Variants in ATRIP observed in about 807,000 individuals in gnomAD.
The protein encoded by ATRIP is ATR interacting protein, also known as ATR-interacting protein.
In ATRIP, 44 loss-of-function variants were observed where a neutral mutation model predicts 78.1. That is an observed-to-expected ratio of 0.56 (90% CI 0.44 to 0.72). The LOEUF is 0.72. ATRIP is among the 30% of genes least tolerant of loss of function. ATRIP has a pLI of 0.00. For synonymous variants in ATRIP, 388 were observed against 408.9 expected (o/e 0.95, Z 0.62); for missense variants, 927 against 980.2 (o/e 0.95, Z 0.72).
rs574139084 is a variant in ATRIP at position 48,466,433 on chromosome 3, C to G, written c.*879C>G. ...GAAGAGGGAGACCCTCTCAGACAGTCGAATGTGCTGGTCCCACTAAGGAAA... is the reference window on the plus strand; with the variant it reads ...GAAGAGGGAGACCCTCTCAGACAGTGGAATGTGCTGGTCCCACTAAGGAAA... On this transcript the variant is annotated 3_prime_UTR_variant, in exon 13 of 13. Transcript: ENST00000320211. 61 of 1,611,300 alleles carry G rather than the reference C, an allele frequency of 3.8e-5. No individual in the cohort carries two copies. In the Admixed American group the frequency reaches 5.7e-4, roughly 15 times the overall value.
chr3:48,450,744 G>A (rs1232101214), intron 2 of ATRIP, among the ~76,000 whole-genome samples: 2 of 151,880 alleles, frequency 1.3e-5, no homozygotes, highest in African/African-American at 2.4e-5. Context: ...GCACCACGAC[G>A]CCCAGCTAAT....
At position 48,459,844 on chromosome 3, in the gene ATRIP, GCC is replaced by G; in HGVS notation, c.984_985del (p.Cys330ProfsTer5). 6.2e-7 allele frequency: 1 copy of G among 1,613,998 alleles called. No individual in the cohort carries two copies. The highest frequency in any genetic ancestry group is 8.5e-7 in the Non-Finnish European group (1 of 1,179,950). On this transcript the variant is annotated frameshift_variant, in exon 7 of 13. Transcript: ENST00000320211. LOFTEE classifies it high-confidence loss of function. ...CCTTTGATCCCAGGGTCATCCCTAAGCCTTTGCCACCTCCTGAGTAGTAGTTC... is the reference window on the plus strand; with the variant it reads ...CCTTTGATCCCAGGGTCATCCCTAAGTTTGCCACCTCCTGAGTAGTAGTTC...
intron 4 of ATRIP, among the ~76,000 whole-genome samples, chr3:48,454,882 A>G (rs1431799497): frequency 8.2e-6 from 1 of 122,518 alleles, no homozygotes; most frequent in African/African-American, 2.8e-5. Flanking sequence ...TTTTTTTTTG[A>G]GACAGAGTCT....
At chr3:48,451,695 C>G (rs375297834) in intron 2 of ATRIP, 34 bp from the exon 3 acceptor site, 9 of 1,552,104 alleles carry the variant, frequency 5.8e-6, no homozygotes, top group East Asian at 2.3e-5. Flanking sequence ...TTTTCTCTTA[C>G]AAAGTTTTCA....
In ATRIP at chr3:48,446,756, G is replaced by T. The variant is rs2039680398; in HGVS notation, c.-90G>T. The T allele has an allele frequency of 7.6e-7, 1 of 1,317,630 alleles. No homozygotes were observed. Among genetic ancestry groups the T allele is most frequent in the Non-Finnish European group, 9.7e-7 (1 of 1,030,840 alleles). 81.6% of individuals were successfully genotyped at this position (1,317,630 alleles called of 1,614,324 possible). On this transcript the variant is annotated 5_prime_UTR_variant, in exon 1 of 13. Transcript: ENST00000320211. ...CGGGGCACTCGCGGCGGAGGCAAGC[G>T]GCGGCGCGCGGACGGTTGGTCCAGT...
rs2039683126 is a variant in ATRIP, at chr3:48,446,801, C to G, written c.-45C>G. ...TCCAGTTCTCCGGCCTGGCGGCAGG[C>G]AAGTCTAGCTCGGCGCTGTCGGATA... is the stretch of plus-strand genomic sequence containing the variant. On this transcript the variant is annotated 5_prime_UTR_variant, in exon 1 of 13. Coordinates refer to ENST00000320211, the MANE Select transcript of ATRIP (RefSeq NM_130384.3). 2.9e-6 allele frequency: 4 copies of G among 1,362,348 alleles called. No homozygotes were observed. Among genetic ancestry groups the G allele is most frequent in the Non-Finnish European group, 2.8e-6 (3 of 1,055,508 alleles). The allele number at this position is 1,362,348 out of a possible 1,614,324, so 84.4% of individuals were successfully genotyped here.
At chr3:48,457,543 C>T (rs566374573) in intron 5 of ATRIP, 127 bp downstream of exon 5, 1 of 719,824 alleles carries the variant, frequency 1.4e-6, no homozygotes, top group African/African-American at 1.9e-5. Flanking sequence ...GGGACAATCT[C>T]TGCAGGGACT....
rs71074246 is a variant in ATRIP at position 48,452,870 on chromosome 3, ATTTTTTTTTTT to A, written c.552+986_552+996del. ...TAGTCAGAGGTAGGGAAATTATTGA[ATTTTTTTTTTT>A]TTTTTTTTTTTTTTGAGACAGGGTC... On this transcript the variant is annotated intron_variant, in intron 3 of 12. Coordinates refer to ENST00000320211, the MANE Select transcript of ATRIP (RefSeq NM_130384.3). Among the ~76,000 whole-genome samples, 215 of 117,506 alleles carry A rather than the reference ATTTTTTTTTTT, an allele frequency of 1.8e-3. 1 individual carries two copies. The highest frequency in any genetic ancestry group is 6.6e-3 in the African/African-American group (202 of 30,730). The allele number at this position is 117,506 out of a possible 152,430, so 77.1% of individuals were successfully genotyped here.
At chr3:48,464,261 C>CTCT in intron 10 of ATRIP, 129 bp downstream of exon 10, 1 of 877,782 alleles carries the variant, frequency 1.1e-6, no homozygotes, top group Non-Finnish European at 1.8e-6. Context: ...GATAAAGCAA[C>CTCT]TAAAGAGGTA....
At chr3:48,454,712 C>T (rs2039913111) in intron 4 of ATRIP, among the ~76,000 whole-genome samples, 1 of 152,078 alleles carries the variant, frequency 6.6e-6, no homozygotes, top group Admixed American at 6.6e-5. Context: ...GTGGGCTAGT[C>T]TCTACTTTTA....
chr3:48,466,717 C>A lies in ATRIP; in HGVS notation c.*1163C>A. On this transcript the variant is annotated 3_prime_UTR_variant, in exon 13 of 13. Transcript: ENST00000320211. ...ACCCTCATCTTTTTCGACATGGAGGCCACTGGCTTGCCCTTCTCCCAGCCC... is the reference window on the plus strand; with the variant it reads ...ACCCTCATCTTTTTCGACATGGAGGACACTGGCTTGCCCTTCTCCCAGCCC... The A allele has an allele frequency of 1.2e-6, 2 of 1,614,108 alleles. No homozygotes were observed. Among genetic ancestry groups the A allele is most frequent in the Non-Finnish European group, 1.7e-6 (2 of 1,180,030 alleles).
At position 48,464,066 on chromosome 3, in the gene ATRIP, C is replaced by T. The variant is rs2040196360; in HGVS notation, c.1908C>T (p.Tyr636=). Residue 636 remains tyrosine, a synonymous_variant, in exon 10 of 13, where the codon TAC becomes TAT. Coordinates refer to ENST00000320211, the MANE Select transcript of ATRIP (RefSeq NM_130384.3). ...HSEGCLLLLL[Y]MYITSRPDRV... is the part of the protein sequence containing the mutation. ...AAGGCTGCCTCCTGCTGCTGCTGTA[C>T]ATGTACATCACATCACGGCCTGACA... 6.2e-7 allele frequency: 1 copy of T among 1,613,838 alleles called. No homozygotes were observed. The highest frequency in any genetic ancestry group is 8.5e-7 in the Non-Finnish European group (1 of 1,180,012).
chr3:48,461,298 GTATAT>G (rs1359836088), intron 8 of ATRIP: 1 of 153,370 alleles, frequency 6.5e-6, no homozygotes, highest in East Asian at 1.9e-4. Flanking sequence ...TTTGTGGGTA[GTATAT>G]TATAGTGAAC....
At chr3:48,463,903 G>A (rs6442124) in intron 9 of ATRIP, 22 bp downstream of exon 9, 886,121 of 1,613,296 alleles carry the variant, frequency 0.55, 246,190 homozygotes, top group Admixed American at 0.72. Flanking sequence ...TGGGGCGGGC[G>A]TCTAGACTGC....
At chr3:48,453,660 C>T (rs1019547242) in intron 3 of ATRIP, among the ~76,000 whole-genome samples, 1 of 152,194 alleles carries the variant, frequency 6.6e-6, no homozygotes, top group African/African-American at 2.4e-5. Context: ...TCTCTCTATA[C>T]TGCACAGTGT....
Position 48,464,975 on chromosome 3 carries a change from G to A in ATRIP, c.2200G>A (p.Asp734Asn). 6.2e-7 allele frequency: 1 copy of A among 1,614,186 alleles called. No individual in the cohort carries two copies. Among genetic ancestry groups the A allele is most frequent in the Non-Finnish European group, 8.5e-7 (1 of 1,180,050 alleles). ...GCTGCTGCACGGCCTATCGCAGAAG[G>A]ACAAGCTCTTCATGATGCACTGCGT... ...VLLLHGLSQK[D>N]KLFMMHCVEV... The change falls in exon 12 of 13, where the codon GAC becomes AAC. Residue 734 changes from aspartate to asparagine, a missense_variant. Asp to Asn is a conservative substitution (Grantham distance 23). Transcript: ENST00000320211.
Position 48,463,860 on chromosome 3 carries a change from C to T in ATRIP, c.1861C>T (p.Pro621Ser). ...GCTGGCGGACCACGACCAGCTGGCA[C>T]CTCAGCTCTGTTCCCACTCAGGTAA... The part of the protein sequence containing the change: ...SLLADHDQLA[P>S]QLCSHSEGCL... Residue 621 changes from proline to serine, a missense_variant, in exon 9 of 13, where the codon CCT (proline) becomes TCT (serine). Coordinates refer to ENST00000320211, the MANE Select transcript of ATRIP (RefSeq NM_130384.3). The T allele has an allele frequency of 6.2e-7, 1 of 1,614,148 alleles. No homozygotes were observed. The highest frequency in any genetic ancestry group is 8.5e-7 in the Non-Finnish European group (1 of 1,180,030).
intron 4 of ATRIP, among the ~76,000 whole-genome samples, chr3:48,455,796 C>T (rs2039940641): frequency 6.6e-6 from 1 of 151,938 alleles, no homozygotes; most frequent in African/African-American, 2.4e-5. Flanking sequence ...CTGTGCCCAG[C>T]CTGGAAGTCT....
rs2040395106 is a variant in ATRIP at position 48,467,624 on chromosome 3, T to TAA, written c.*2072_*2073dup. 1 of 1,604,218 alleles carries TAA rather than the reference T, an allele frequency of 6.2e-7. No individual in the cohort carries two copies. The highest frequency in any genetic ancestry group is 8.5e-7 in the Non-Finnish European group (1 of 1,174,970). The stretch of plus-strand genomic sequence containing the variant: ...AGGCCAAGAAGGAAAATCTGACGAA[T>TAA]AAAGACCCCCGCTGCCCCATAGCAC... On this transcript the variant is annotated 3_prime_UTR_variant, in exon 13 of 13. Coordinates refer to ENST00000320211, the MANE Select transcript of ATRIP (RefSeq NM_130384.3).
Sources: gnomAD v4.1 joint callset for allele counts (sites outside exome capture counted in the v4.1 genomes callset) on GRCh38, gnomAD v4.1.1 for gene constraint, MANE v1.5 for transcripts, NCBI Gene and HGNC (gene_info 2026-07-23, HGNC 2026-07-21) for gene names.